SLC12A2: variants seen among roughly 807,000 people sequenced by gnomAD.
SLC12A2 encodes the protein Na-K-2Cl cotransporter 1.
A neutral mutation model predicts 136.3 loss-of-function variants in SLC12A2; 67 were observed. The ratio of observed to expected loss-of-function variants is 0.49; its 90% CI spans 0.40 to 0.60. SLC12A2 has a LOEUF of 0.60. SLC12A2 is among the 20% of genes least tolerant of loss of function. The pLI is 0.00. For synonymous variants in SLC12A2, 619 were observed against 562.9 expected (o/e 1.10, Z -1.41); for missense variants, 1,322 against 1,534.7 (o/e 0.86, Z 2.32).
intron 15 of SLC12A2, among the ~76,000 whole-genome samples, chr5:128,156,013 ACT>A (rs1164848527): frequency 2.0e-5 from 3 of 151,876 alleles, no homozygotes; most frequent in Admixed American, 2.0e-4. Context: ...CAGACCAGGG[ACT>A]CTCTCCAGCA....
chr5:128,182,981 C>A, intron 24 of SLC12A2, 40 bp downstream of exon 24: 1 of 1,218,828 alleles, frequency 8.2e-7, no homozygotes, highest in Non-Finnish European at 1.2e-6. Context: ...TTATAGATGG[C>A]CTACTCAGAC....
At chr5:128,167,346 G>C (rs997644032) in intron 17 of SLC12A2, among the ~76,000 whole-genome samples, 2 of 152,052 alleles carry the variant, frequency 1.3e-5, no homozygotes, top group Non-Finnish European at 2.9e-5. Context: ...TCAGATTTTA[G>C]TATTGATGTG....
At position 128,178,555 on chromosome 5, in the gene SLC12A2, T is replaced by A. The variant is rs369727971; in HGVS notation, c.2978-12T>A. On this transcript the variant is annotated splice_polypyrimidine_tract_variant and intron_variant, in intron 21 of 26. Coordinates refer to ENST00000262461, the MANE Select transcript of SLC12A2 (RefSeq NM_001046.3). Reference sequence around the variant, plus strand: ...ACTTTGCTTACATTTTATATTTTGCTTAATCCTTTAGAATCCAAAGGCCCT... The same window carrying A: ...ACTTTGCTTACATTTTATATTTTGCATAATCCTTTAGAATCCAAAGGCCCT... The A allele has an allele frequency of 3.9e-6, 6 of 1,545,890 alleles. No individual in the cohort carries two copies. The African/African-American group carries it at 8.4e-5, about 22-fold the overall frequency.
At chr5:128,085,264 T>A (rs1760056312) in intron 1 of SLC12A2, among the ~76,000 whole-genome samples, 1 of 152,088 alleles carries the variant, frequency 6.6e-6, no homozygotes, top group Non-Finnish European at 1.5e-5. Context: ...ATCATAGAGA[T>A]CTTGTCTTGG....
intron 1 of SLC12A2, among the ~76,000 whole-genome samples, chr5:128,102,283 A>G (rs1310966247): frequency 1.3e-5 from 2 of 152,138 alleles, no homozygotes; most frequent in Non-Finnish European, 2.9e-5. Context: ...ACATCTGTGT[A>G]ATCACCACCC....
At chr5:128,102,729 C>T (rs1292842294) in intron 1 of SLC12A2, among the ~76,000 whole-genome samples, 1 of 150,144 alleles carries the variant, frequency 6.7e-6, no homozygotes, top group African/African-American at 2.4e-5. Flanking sequence ...CCTCTGGCCT[C>T]AGCCTCCCAA....
At chr5:128,089,169 CAAAAA>C (rs34686489) in intron 1 of SLC12A2, among the ~76,000 whole-genome samples, 1 of 119,778 alleles carries the variant, frequency 8.3e-6, no homozygotes, top group Non-Finnish European at 1.7e-5. Flanking sequence ...ACTTTGTCTC[CAAAAA>C]AAAAAAAAAA....
intron 7 of SLC12A2, among the ~76,000 whole-genome samples, chr5:128,137,092 A>C (rs1317377945): frequency 6.6e-6 from 1 of 152,136 alleles, no homozygotes; most frequent in Non-Finnish European, 1.5e-5. Flanking sequence ...TCAGATGTTG[A>C]ATCTTTCAGT....
Position 128,131,198 on chromosome 5 carries a change from T to C in SLC12A2, c.1180T>C (p.Leu394=). 1 of 1,614,064 alleles carries C rather than the reference T, an allele frequency of 6.2e-7. No individual in the cohort carries two copies. The change falls in exon 5 of 27, where the codon TTG becomes CTG. Residue 394 remains leucine (L), a synonymous_variant. Transcript: ENST00000262461. The part of the protein sequence containing the change: ...VVGFAETVVE[L]LKEHSILMID... Reference sequence around the variant, plus strand: ...TGGATTTGCAGAAACCGTGGTGGAGTTGCTTAAGGTAATTCACCTTCCTTC... The same window carrying C: ...TGGATTTGCAGAAACCGTGGTGGAGCTGCTTAAGGTAATTCACCTTCCTTC...
At chr5:128,135,656 GA>G in intron 6 of SLC12A2, 43 bp from the exon 7 acceptor site, 3 of 1,219,876 alleles carry the variant, frequency 2.5e-6, no homozygotes, top group South Asian at 1.3e-5. Flanking sequence ...TCAAGATATA[GA>G]AACAAGATAC....
At chr5:128,150,353 A>T (rs762284551) in intron 13 of SLC12A2, among the ~76,000 whole-genome samples, 10 of 151,916 alleles carry the variant, frequency 6.6e-5, no homozygotes, top group Non-Finnish European at 1.3e-4. Flanking sequence ...GTTACTTTTT[A>T]AAAAAACTAG....
chr5:128,129,120 A>G (rs1277559693), intron 4 of SLC12A2, among the ~76,000 whole-genome samples: 1 of 152,080 alleles, frequency 6.6e-6, no homozygotes, highest in Non-Finnish European at 1.5e-5. Flanking sequence ...TAAAGTTTGT[A>G]TTGTCAACTA....
intron 15 of SLC12A2, among the ~76,000 whole-genome samples, chr5:128,154,848 CCTT>C (rs1448358728): frequency 6.6e-6 from 1 of 152,104 alleles, no homozygotes; most frequent in Non-Finnish European, 1.5e-5. Flanking sequence ...GTTTCTTTTT[CCTT>C]CTTTACAGTT....
At chr5:128,153,579 T>C (rs1007606534) in intron 15 of SLC12A2, among the ~76,000 whole-genome samples, 1 of 152,136 alleles carries the variant, frequency 6.6e-6, no homozygotes, top group African/African-American at 2.4e-5. Context: ...GAATATATTA[T>C]CTTTCTAATA....
At chr5:128,181,866 A>T (rs1763717687) in intron 23 of SLC12A2, among the ~76,000 whole-genome samples, 1 of 151,544 alleles carries the variant, frequency 6.6e-6, no homozygotes, top group South Asian at 2.1e-4. Flanking sequence ...CTCTCCTTTT[A>T]TCTCTTTAAA....
intron 1 of SLC12A2, chr5:128,110,805 A>C: frequency 1.3e-6 from 2 of 1,489,632 alleles, no homozygotes; most frequent in Non-Finnish European, 9.4e-7. Flanking sequence ...CAAAAGCAGG[A>C]CAAGAATTTG....
At chr5:128,085,302 CTCTT>C (rs777809492) in intron 1 of SLC12A2, among the ~76,000 whole-genome samples, 2 of 151,628 alleles carry the variant, frequency 1.3e-5, no homozygotes, top group Non-Finnish European at 2.9e-5. Context: ...AATGGCATAA[CTCTT>C]TTTTTTTGCG....
rs891343163 is a variant in SLC12A2 at position 128,132,314 on chromosome 5, T to C, written c.1188+1108T>C. ...ACAGTGACTTGTGGAGCGGGAAAGATGTGGGCGAATTTGGGAGATTTTAAA... is the reference window on the plus strand; with the variant it reads ...ACAGTGACTTGTGGAGCGGGAAAGACGTGGGCGAATTTGGGAGATTTTAAA... On this transcript the variant is annotated intron_variant, in intron 5 of 26. Coordinates refer to ENST00000262461, the MANE Select transcript of SLC12A2 (RefSeq NM_001046.3). Among the ~76,000 whole-genome samples the C allele has an allele frequency of 3.3e-5, 5 of 152,224 alleles. No homozygotes were observed. The East Asian group carries it at 9.7e-4, about 29-fold the overall frequency.
intron 1 of SLC12A2, among the ~76,000 whole-genome samples, chr5:128,093,691 T>C (rs1026646517): frequency 6.6e-6 from 1 of 152,176 alleles, no homozygotes; most frequent in East Asian, 1.9e-4. Flanking sequence ...TCTAAGCTGC[T>C]ACCATCCTAT....
Sources: gnomAD v4.1 joint callset for allele counts (sites outside exome capture counted in the v4.1 genomes callset) on GRCh38, gnomAD v4.1.1 for gene constraint, MANE v1.5 for transcripts, NCBI Gene and HGNC (gene_info 2026-07-23, HGNC 2026-07-21) for gene names.